CRACR2A: variants seen among roughly 807,000 people sequenced by gnomAD.
The protein encoded by CRACR2A is EF-hand calcium-binding domain-containing protein 4B.
Under a neutral mutation model 90.5 loss-of-function variants are expected in CRACR2A, and 79 were observed. That is an observed-to-expected ratio of 0.87 (90% CI 0.73 to 1.05). The LOEUF is 1.05. Among genes scored for constraint, CRACR2A ranks in the 50% least tolerant of loss-of-function variants. The pLI is 0.00. For synonymous variants in CRACR2A, 338 were observed against 356.7 expected (o/e 0.95, Z 0.59); for missense variants, 823 against 897.2 (o/e 0.92, Z 1.06).
intron 19 of CRACR2A, among the ~76,000 whole-genome samples, chr12:3,616,663 A>T (rs1177808684): frequency 2.6e-5 from 4 of 152,236 alleles, no homozygotes; most frequent in African/African-American, 9.6e-5. Flanking sequence ...TTGGCATTTA[A>T]AAAGAGCATC....
chr12:3,629,978 G>GGA (rs1362080325), intron 15 of CRACR2A, among the ~76,000 whole-genome samples: 1 of 152,158 alleles, frequency 6.6e-6, no homozygotes, highest in East Asian at 1.9e-4. Flanking sequence ...ACTACCACCA[G>GGA]TTCTGAAATC....
intron 3 of CRACR2A, among the ~76,000 whole-genome samples, chr12:3,699,829 T>C (rs917505353): frequency 2.0e-5 from 3 of 152,168 alleles, no homozygotes; most frequent in Non-Finnish European, 4.4e-5. Context: ...TGAAGGAAGA[T>C]CAATCTTTTG....
chr12:3,658,221 C>G (rs992986119), intron 8 of CRACR2A, among the ~76,000 whole-genome samples: 1 of 152,152 alleles, frequency 6.6e-6, no homozygotes, highest in Non-Finnish European at 1.5e-5. Flanking sequence ...CGCCCATTCC[C>G]CATGCCCTGG....
At position 3,709,824 on chromosome 12, in the gene CRACR2A, A is replaced by C. The variant is rs145799157; in HGVS notation, c.-37+3413T>G. Among the ~76,000 whole-genome samples the C allele has an allele frequency of 1.7e-3, 256 of 152,384 alleles. 2 individuals are homozygous for C. Among genetic ancestry groups the C allele is most frequent in the African/African-American group, 6.0e-3 (249 of 41,590 alleles). On this transcript the variant is annotated intron_variant, in intron 3 of 19. Transcript: ENST00000440314. ...ATAAAACCTTGGTTTCTTTATCTGT[A>C]CAATGAGGCTAATGATTCTTACTTG...
At chr12:3,714,460 T>A (rs1203718003) in intron 2 of CRACR2A, among the ~76,000 whole-genome samples, 1 of 152,182 alleles carries the variant, frequency 6.6e-6, no homozygotes, top group Non-Finnish European at 1.5e-5. Context: ...GACTTCACTC[T>A]CTGGTGTTTT....
At chr12:3,660,348 C>T (rs551485559) in intron 7 of CRACR2A, among the ~76,000 whole-genome samples, 1 of 152,288 alleles carries the variant, frequency 6.6e-6, no homozygotes, top group South Asian at 2.1e-4. Context: ...GTGAGACAGG[C>T]GAGGCTGGTT....
At chr12:3,736,087 G>C (rs549760657) in intron 1 of CRACR2A, among the ~76,000 whole-genome samples, 2 of 152,134 alleles carry the variant, frequency 1.3e-5, no homozygotes, top group South Asian at 4.2e-4. Context: ...GGCTTGATTG[G>C]GCTTTGTTCT....
chr12:3,656,754 C>A (rs1591661965), intron 8 of CRACR2A, among the ~76,000 whole-genome samples: 1 of 152,110 alleles, frequency 6.6e-6, no homozygotes. Context: ...AAACATCAGG[C>A]CTTGGTCTCC....
At chr12:3,679,619 G>T (rs1945409709) in intron 5 of CRACR2A, among the ~76,000 whole-genome samples, 1 of 152,192 alleles carries the variant, frequency 6.6e-6, no homozygotes, top group African/African-American at 2.4e-5. Context: ...GCTCCTGAAG[G>T]TCAGGAAAGG....
intron 12 of CRACR2A, among the ~76,000 whole-genome samples, chr12:3,642,897 G>A (rs1944599632): frequency 6.6e-6 from 1 of 152,196 alleles, no homozygotes; most frequent in Non-Finnish European, 1.5e-5. Context: ...AATGAGAGGA[G>A]GGGCTGCAAT....
At chr12:3,721,861 G>A (rs1946183141) in intron 2 of CRACR2A, among the ~76,000 whole-genome samples, 1 of 152,148 alleles carries the variant, frequency 6.6e-6, no homozygotes, top group Non-Finnish European at 1.5e-5. Flanking sequence ...TGTGGGGAGG[G>A]GAAGGGAGAT....
intron 4 of CRACR2A, among the ~76,000 whole-genome samples, chr12:3,680,558 G>C (rs1945429418): frequency 6.6e-6 from 1 of 152,192 alleles, no homozygotes; most frequent in African/African-American, 2.4e-5. Context: ...GCCTACGAAT[G>C]TACTAGGCCA....
At chr12:3,675,740 C>T (rs1040327299) in intron 6 of CRACR2A, among the ~76,000 whole-genome samples, 10 of 152,158 alleles carry the variant, frequency 6.6e-5, no homozygotes, top group African/African-American at 2.4e-4. Context: ...ACCACAAAAA[C>T]AGAAACGTAA....
chr12:3,719,226 T>A (rs762483525), intron 2 of CRACR2A, among the ~76,000 whole-genome samples: 3 of 152,034 alleles, frequency 2.0e-5, no homozygotes, highest in Non-Finnish European at 4.4e-5. Context: ...CCACAGGCAA[T>A]GTAGAGGTGC....
intron 1 of CRACR2A, among the ~76,000 whole-genome samples, chr12:3,739,236 C>A (rs1946489609): frequency 6.6e-6 from 1 of 152,246 alleles, no homozygotes; most frequent in Admixed American, 6.5e-5. Flanking sequence ...CATGCTTATA[C>A]TGGTATCTTG....
chr12:3,619,023 A>T (rs551937052), intron 18 of CRACR2A, among the ~76,000 whole-genome samples: 1 of 152,300 alleles, frequency 6.6e-6, no homozygotes, highest in South Asian at 2.1e-4. Context: ...CAAGGAAGGG[A>T]CTTTAGGATA....
At chr12:3,628,953 G>A (rs191864301) in intron 15 of CRACR2A, among the ~76,000 whole-genome samples, 159 of 152,326 alleles carry the variant, frequency 1.0e-3, no homozygotes, top group Non-Finnish European at 1.9e-3. Context: ...AGTGTCAGGG[G>A]CAGCAGGGAG....
At chr12:3,682,349 A>C (rs573349840) in intron 4 of CRACR2A, among the ~76,000 whole-genome samples, 1 of 152,140 alleles carries the variant, frequency 6.6e-6, no homozygotes, top group African/African-American at 2.4e-5. Flanking sequence ...CACTTTTCTC[A>C]TGTTAGCATG....
chr12:3,668,323 G>A (rs867106232), intron 7 of CRACR2A, among the ~76,000 whole-genome samples: 1 of 152,200 alleles, frequency 6.6e-6, no homozygotes, highest in Non-Finnish European at 1.5e-5. Context: ...GCATTTCTCA[G>A]AGTGTGGTCT....
Sources: gnomAD v4.1 joint callset for allele counts (sites outside exome capture counted in the v4.1 genomes callset) on GRCh38, gnomAD v4.1.1 for gene constraint, MANE v1.5 for transcripts, NCBI Gene and HGNC (gene_info 2026-07-23, HGNC 2026-07-21) for gene names.